The following DLGAP1 variants were observed in gnomAD, a reference collection of about 807,000 sequenced individuals.
DLGAP1 encodes DLG associated protein 1, also known as disks large-associated protein 1.
Under a neutral mutation model 90.8 loss-of-function variants are expected in DLGAP1, and 11 were observed. That is an observed-to-expected ratio of 0.12 (90% CI 0.08 to 0.20). DLGAP1 has a LOEUF of 0.20. Among genes scored for constraint, DLGAP1 ranks in the 10% least tolerant of loss-of-function variants. The pLI, the probability that DLGAP1 is intolerant of heterozygous loss-of-function variation, is 1.00. For synonymous variants in DLGAP1, 558 were observed against 540.7 expected, an observed-to-expected ratio of 1.03 and a Z score of -0.44; for missense variants, 1,050 against 1,333.8, an observed-to-expected ratio of 0.79 and a Z score of 3.31.
intron 11 of DLGAP1, among the ~76,000 whole-genome samples, chr18:3,507,313 G>A (rs1433336397): frequency 2.9e-4 from 33 of 115,444 alleles, no homozygotes; most frequent in African/African-American, 1.2e-4. Flanking sequence ...ATGAAAACCC[G>A]TCTCTACTAA....
intron 5 of DLGAP1, among the ~76,000 whole-genome samples, chr18:3,772,341 T>G (rs1467769280): frequency 1.4e-4 from 8 of 58,252 alleles, no homozygotes. Flanking sequence ...CTTCTCTCTC[T>G]CTCTCTCTTT....
intron 1 of DLGAP1, among the ~76,000 whole-genome samples, chr18:4,235,438 G>T (rs12960050): frequency 0.45 from 68,818 of 151,768 alleles, 16,354 homozygotes; most frequent in East Asian, 0.81. Flanking sequence ...TGCTCATGTT[G>T]GCCTGTAAAA....
At chr18:4,042,555 T>A (rs1431278348) in intron 2 of DLGAP1, among the ~76,000 whole-genome samples, 1 of 152,122 alleles carries the variant, frequency 6.6e-6, no homozygotes, top group Non-Finnish European at 1.5e-5. Flanking sequence ...CTGGCCAATA[T>A]GGTGAAACCT....
chr18:4,182,436 GC>G (rs1390299812), intron 1 of DLGAP1, among the ~76,000 whole-genome samples: 3 of 152,064 alleles, frequency 2.0e-5, no homozygotes, highest in African/African-American at 7.2e-5. Flanking sequence ...GCCTTTCTCT[GC>G]CAGTTATTTT....
At chr18:3,846,234 A>G (rs769672877) in intron 4 of DLGAP1, among the ~76,000 whole-genome samples, 7 of 152,170 alleles carry the variant, frequency 4.6e-5, no homozygotes, top group Admixed American at 1.3e-4. Context: ...TTATCAATAG[A>G]CAAGGACAAT....
rs1472516486 is a variant in DLGAP1, at chr18:3,879,261, C to T, written c.808G>A (p.Asp270Asn). 4 of 1,599,702 alleles carry T rather than the reference C, an allele frequency of 2.5e-6. No individual in the cohort carries two copies. Among genetic ancestry groups the T allele is most frequent in the African/African-American group, 1.3e-5 (1 of 74,698 alleles). ...GCGCTCTTCTTCAGCAGCGGGGTGTCCAGGCTGACCGGCAGGTTGGCGCAG... is the reference window on the plus strand; with the variant it reads ...GCGCTCTTCTTCAGCAGCGGGGTGTTCAGGCTGACCGGCAGGTTGGCGCAG... Reference protein sequence around the residue: ...STCANLPVSLDTPLLKKSAWS... With the variant: ...STCANLPVSLNTPLLKKSAWS... The change falls in exon 4 of 13, where the codon GAC (aspartate) becomes AAC (asparagine). Residue 270 changes from aspartate (D) to asparagine (N), a missense_variant. By Grantham distance (23) the Asp-to-Asn change is conservative (BLOSUM62 1). Coordinates refer to ENST00000315677, the MANE Select transcript of DLGAP1 (RefSeq NM_004746.4). The surrounding 1 kb of genome is among the most constrained non-coding windows in gnomAD (Gnocchi z 6.6).
At chr18:3,745,740 A>C (rs943626358) in intron 5 of DLGAP1, among the ~76,000 whole-genome samples, 1 of 151,906 alleles carries the variant, frequency 6.6e-6, no homozygotes, top group African/African-American at 2.4e-5. Context: ...CCCAGGCTGG[A>C]GTGCAGTAGT....
At chr18:3,825,768 T>C (rs1339772902) in intron 4 of DLGAP1, among the ~76,000 whole-genome samples, 3 of 152,120 alleles carry the variant, frequency 2.0e-5, no homozygotes, top group East Asian at 3.9e-4. Flanking sequence ...CCAGCAATCA[T>C]AGTACTGAGT....
At chr18:3,510,265 T>C (rs1292438554) in intron 10 of DLGAP1, among the ~76,000 whole-genome samples, 1 of 152,242 alleles carries the variant, frequency 6.6e-6, no homozygotes, top group Non-Finnish European at 1.5e-5. Context: ...GGTACCTATC[T>C]GGAGGGTTGT....
chr18:3,503,358 T>G (rs891045560), intron 11 of DLGAP1, among the ~76,000 whole-genome samples: 1 of 152,230 alleles, frequency 6.6e-6, no homozygotes, highest in Admixed American at 6.5e-5. Flanking sequence ...TGCTAAGTGA[T>G]AGTAAACATT....
At chr18:4,117,425 CA>C (rs1044567043) in intron 2 of DLGAP1, among the ~76,000 whole-genome samples, 2 of 152,136 alleles carry the variant, frequency 1.3e-5, no homozygotes, top group African/African-American at 4.8e-5. Flanking sequence ...TCCTCCACCC[CA>C]GGGGGTTGAT....
intron 1 of DLGAP1, among the ~76,000 whole-genome samples, chr18:4,414,606 A>G (rs1218984339): frequency 6.6e-6 from 1 of 151,820 alleles, no homozygotes; most frequent in African/African-American, 2.4e-5. Context: ...CACACCTGTA[A>G]TCCCAGCTAC....
chr18:3,590,726 A>G (rs1274857209), intron 7 of DLGAP1, among the ~76,000 whole-genome samples: 3 of 152,066 alleles, frequency 2.0e-5, no homozygotes, highest in Non-Finnish European at 4.4e-5. Flanking sequence ...GTGGTGGCAC[A>G]TGCCTGTAAT....
intron 7 of DLGAP1, among the ~76,000 whole-genome samples, chr18:3,644,170 C>A (rs927832550): frequency 1.3e-5 from 2 of 152,144 alleles, no homozygotes; most frequent in African/African-American, 4.8e-5. Context: ...AGACCCAAGC[C>A]TGGGTCTCTG....
intron 2 of DLGAP1, among the ~76,000 whole-genome samples, chr18:4,108,195 C>T (rs1018716798): frequency 3.9e-5 from 6 of 152,308 alleles, no homozygotes; most frequent in African/African-American, 1.4e-4. Flanking sequence ...CTACCTCTCT[C>T]CTCCCATAAT....
intron 1 of DLGAP1, among the ~76,000 whole-genome samples, chr18:4,213,933 C>T (rs1347571028): frequency 6.6e-6 from 1 of 152,026 alleles, no homozygotes; most frequent in Non-Finnish European, 1.5e-5. Context: ...GATTCAGAGT[C>T]CATGTAGGAA....
At chr18:3,620,047 C>G (rs1322841938) in intron 7 of DLGAP1, among the ~76,000 whole-genome samples, 1 of 151,938 alleles carries the variant, frequency 6.6e-6, no homozygotes, top group Non-Finnish European at 1.5e-5. Flanking sequence ...ATCTTTTAAT[C>G]TTTGAAATCT....
intron 3 of DLGAP1, among the ~76,000 whole-genome samples, chr18:3,964,929 T>C (rs2073289805): frequency 6.6e-6 from 1 of 152,160 alleles, no homozygotes; most frequent in African/African-American, 2.4e-5. Context: ...TTATAAAAGA[T>C]TCTACTAAGA....
Position 3,879,747 on chromosome 18 carries a change from C to A in DLGAP1, c.322G>T (p.Glu108Ter), listed in dbSNP as rs1354505741. The A allele has an allele frequency of 6.2e-7, 1 of 1,608,232 alleles. No homozygotes were observed. The highest frequency in any genetic ancestry group is 8.5e-7 in the Non-Finnish European group (1 of 1,179,908). Residue 108 changes from glutamate to a stop codon, truncating the protein, a stop_gained, in exon 4 of 13, where the codon GAG (glutamate) becomes TAG (stop). Coordinates refer to ENST00000315677, the MANE Select transcript of DLGAP1 (RefSeq NM_004746.4). LOFTEE classifies it high-confidence loss of function. This position sits in a 1 kb window ranked among gnomAD's most constrained non-coding sequence, Gnocchi z 6.6. Reference sequence around the variant, plus strand: ...TCGCGGCTGAGTGGCAGCTGCCGCTCGAACTGGTCCAGCAGGTTGGCGGGG... The same window carrying A: ...TCGCGGCTGAGTGGCAGCTGCCGCTAGAACTGGTCCAGCAGGTTGGCGGGG... The part of the protein sequence containing the change: ...RIPANLLDQF[E>*]RQLPLSRDGY...
Sources: gnomAD v4.1 joint callset for allele counts (sites outside exome capture counted in the v4.1 genomes callset) on GRCh38, gnomAD v4.1.1 for gene constraint, Gnocchi (gnomAD v3.1) non-coding constraint, MANE v1.5 for transcripts, NCBI Gene and HGNC (gene_info 2026-07-23, HGNC 2026-07-21) for gene names.